The following KHDRBS2 variants were observed in gnomAD, a reference collection of about 807,000 sequenced individuals.
KHDRBS2 encodes KH domain-containing, RNA-binding, signal transduction-associated protein 2.
Under a neutral mutation model 44.3 loss-of-function variants are expected in KHDRBS2, and 26 were observed. That is an observed-to-expected ratio of 0.59 (90% CI 0.43 to 0.81). The LOEUF is 0.81. KHDRBS2 is among the 40% of genes least tolerant of loss of function. The pLI is 0.00. For synonymous variants in KHDRBS2, 194 were observed against 151.1 expected (o/e 1.28, Z -2.08); for missense variants, 476 against 433.1 (o/e 1.10, Z -0.88).
At chr6:61,682,614 A>C (rs774584466) in intron 8 of KHDRBS2, among the ~76,000 whole-genome samples, 5 of 151,884 alleles carry the variant, frequency 3.3e-5, no homozygotes, top group Non-Finnish European at 5.9e-5. Flanking sequence ...AGTAACTGTG[A>C]TAGAGATTAT....
intron 2 of KHDRBS2, among the ~76,000 whole-genome samples, chr6:62,126,516 A>G (rs939480981): frequency 6.6e-6 from 1 of 152,172 alleles, no homozygotes; most frequent in African/African-American, 2.4e-5. Flanking sequence ...GCTTACCAAG[A>G]GCCTTAGATG....
At chr6:61,649,441 T>G in the KHDRBS2 span, among the ~76,000 whole-genome samples, 1 of 152,188 alleles carries the variant, frequency 6.6e-6, no homozygotes, top group Non-Finnish European at 1.5e-5. Flanking sequence ...CAGCCTATAT[T>G]GAGGAAGTAA....
chr6:62,098,029 A>G (rs1209137539), intron 2 of KHDRBS2, among the ~76,000 whole-genome samples: 1 of 152,102 alleles, frequency 6.6e-6, no homozygotes, highest in East Asian at 1.9e-4. Flanking sequence ...TCTACACTAT[A>G]ATTCTATTCC....
chr6:62,158,965 T>C (rs757632226), intron 2 of KHDRBS2, among the ~76,000 whole-genome samples: 10 of 152,154 alleles, frequency 6.6e-5, no homozygotes, highest in Non-Finnish European at 1.5e-4. Flanking sequence ...ACTATAGCAC[T>C]TATTTAGACC....
the KHDRBS2 span, among the ~76,000 whole-genome samples, chr6:61,666,710 C>G: frequency 1.3e-5 from 2 of 151,278 alleles, no homozygotes; most frequent in African/African-American, 4.8e-5. Flanking sequence ...TCTTATTAAA[C>G]AATATAATAC....
intron 1 of KHDRBS2, among the ~76,000 whole-genome samples, chr6:62,197,410 A>G (rs1825926107): frequency 6.6e-6 from 1 of 152,182 alleles, no homozygotes; most frequent in Non-Finnish European, 1.5e-5. Flanking sequence ...ATTATATACA[A>G]TACATCACCA....
intron 2 of KHDRBS2, among the ~76,000 whole-genome samples, chr6:62,170,446 T>C (rs568846960): frequency 6.6e-6 from 1 of 152,054 alleles, no homozygotes; most frequent in East Asian, 1.9e-4. Context: ...GCCATCCCTC[T>C]CCAAAGCATC....
the KHDRBS2 span, among the ~76,000 whole-genome samples, chr6:61,564,671 T>C: frequency 6.6e-6 from 1 of 152,104 alleles, no homozygotes; most frequent in African/African-American, 2.4e-5. Flanking sequence ...GCTCATTTAT[T>C]AAGGACAGGG....
At chr6:62,017,071 T>G (rs1219668508) in intron 3 of KHDRBS2, among the ~76,000 whole-genome samples, 1 of 152,140 alleles carries the variant, frequency 6.6e-6, no homozygotes, top group Non-Finnish European at 1.5e-5. Context: ...TCATCGCTGG[T>G]TTTGTTTTAT....
intron 6 of KHDRBS2, among the ~76,000 whole-genome samples, chr6:61,828,670 C>T (rs1265006962): frequency 6.6e-6 from 1 of 152,158 alleles, no homozygotes; most frequent in African/African-American, 2.4e-5. Flanking sequence ...TTCAGCAAGT[C>T]CCCTCATTCT....
intron 1 of KHDRBS2, among the ~76,000 whole-genome samples, chr6:62,242,571 C>A (rs908754341): frequency 3.3e-5 from 5 of 151,458 alleles, no homozygotes; most frequent in Non-Finnish European, 5.9e-5. Context: ...TTTAGATGAA[C>A]GGTATTTATT....
intron 2 of KHDRBS2, among the ~76,000 whole-genome samples, chr6:62,088,122 T>C (rs1798764953): frequency 6.6e-6 from 1 of 152,204 alleles, no homozygotes. Context: ...CTTAGCTTCC[T>C]TGCATTGGGT....
intron 1 of KHDRBS2, among the ~76,000 whole-genome samples, chr6:62,218,502 G>C (rs1461695111): frequency 2.0e-5 from 3 of 151,298 alleles, no homozygotes; most frequent in Non-Finnish European, 4.4e-5. Context: ...AAAATTATCA[G>C]AAAAAGACAG....
At chr6:61,591,278 TC>T in the KHDRBS2 span, among the ~76,000 whole-genome samples, 11 of 152,248 alleles carry the variant, frequency 7.2e-5, no homozygotes, top group East Asian at 1.4e-3. Context: ...CACTTTCCCT[TC>T]TAAAAGCCAA....
chr6:62,087,401 A>G (rs1798596623), intron 2 of KHDRBS2, among the ~76,000 whole-genome samples: 1 of 152,118 alleles, frequency 6.6e-6, no homozygotes, highest in African/African-American at 2.4e-5. Flanking sequence ...AAATAAAAAG[A>G]CAATTTCATA....
chr6:61,699,846 C>G (rs1768373734), intron 7 of KHDRBS2, among the ~76,000 whole-genome samples: 1 of 151,918 alleles, frequency 6.6e-6, no homozygotes, highest in Non-Finnish European at 1.5e-5. Flanking sequence ...CCCTCACTGC[C>G]CAACATGTTT....
intron 2 of KHDRBS2, among the ~76,000 whole-genome samples, chr6:62,073,127 G>T (rs1795578211): frequency 6.6e-6 from 1 of 151,838 alleles, no homozygotes; most frequent in Non-Finnish European, 1.5e-5. Flanking sequence ...TCTTTGAAAA[G>T]ATTATGAACA....
intron 4 of KHDRBS2, among the ~76,000 whole-genome samples, chr6:61,937,272 T>C (rs1266472781): frequency 4.6e-5 from 7 of 152,046 alleles, no homozygotes; most frequent in Non-Finnish European, 1.0e-4. Context: ...AAGCATCCTT[T>C]TTCTTTTTTT....
intron 6 of KHDRBS2, among the ~76,000 whole-genome samples, chr6:61,858,912 TGTA>T (rs1796525548): frequency 6.6e-6 from 1 of 151,900 alleles, no homozygotes; most frequent in Non-Finnish European, 1.5e-5. Context: ...ATTGTATAGT[TGTA>T]TATATATTGC....
Sources: gnomAD v4.1 joint callset for allele counts (sites outside exome capture counted in the v4.1 genomes callset) on GRCh38, gnomAD v4.1.1 for gene constraint, MANE v1.5 for transcripts, NCBI Gene and HGNC (gene_info 2026-07-23, HGNC 2026-07-21) for gene names.